The following KCNIP4 variants were observed in gnomAD, a reference collection of about 807,000 sequenced individuals.
KCNIP4 encodes Kv channel-interacting protein 4.
A neutral mutation model predicts 34.0 loss-of-function variants in KCNIP4; 12 were observed. The observed-to-expected ratio is 0.35, with a 90% CI of 0.23 to 0.57. KCNIP4 has a LOEUF of 0.57. KCNIP4 is among the 20% of genes least tolerant of loss of function. The probability of loss-of-function intolerance (pLI) is 0.83; values close to 1 mark genes in which losing one functional copy is unlikely to be tolerated. For synonymous variants in KCNIP4, 124 were observed against 102.2 expected (o/e 1.21, Z -1.29); for missense variants, 238 against 311.7 (o/e 0.76, Z 1.78).
intron 3 of KCNIP4, among the ~76,000 whole-genome samples, chr4:20,846,506 G>A (rs1366362165): frequency 6.6e-6 from 1 of 152,058 alleles, no homozygotes; most frequent in Non-Finnish European, 1.5e-5. Flanking sequence ...TCTCAAATGA[G>A]GCTTTCTGTT....
chr4:21,567,990 G>A (rs185335096), intron 1 of KCNIP4, among the ~76,000 whole-genome samples: 57 of 152,272 alleles, frequency 3.7e-4, no homozygotes, highest in African/African-American at 1.3e-3. Context: ...CATAGTCAGC[G>A]CTGCTATGTA....
rs989226044 is a variant in KCNIP4, at chr4:21,370,050, A to G, written c.62-487341T>C. Among the ~76,000 whole-genome samples the G allele has an allele frequency of 1.8e-4, 26 of 146,992 alleles. 4 individuals are homozygous for G. Among genetic ancestry groups the G allele is most frequent in the African/African-American group, 7.1e-4 (26 of 36,690 alleles). On this transcript the variant is annotated intron_variant, in intron 1 of 8. Coordinates refer to ENST00000382152, the MANE Select transcript of KCNIP4 (RefSeq NM_025221.6). ...CACCGTGTTAGCCAGGATGGTCTCG[A>G]CCTCCTGACCTCGTGATCCTCCCAC...
intron 1 of KCNIP4, among the ~76,000 whole-genome samples, chr4:21,319,302 G>C (rs1714127988): frequency 6.6e-6 from 1 of 152,186 alleles, no homozygotes; most frequent in Non-Finnish European, 1.5e-5. Flanking sequence ...AGTCAGAATG[G>C]ACTTAAGGAA....
At chr4:21,122,995 G>T (rs560038145) in intron 1 of KCNIP4, among the ~76,000 whole-genome samples, 2 of 152,142 alleles carry the variant, frequency 1.3e-5, no homozygotes, top group Non-Finnish European at 2.9e-5. Context: ...CAGATCACAA[G>T]GTCAGGAGAT....
At chr4:20,843,991 A>C (rs1178403527) in intron 3 of KCNIP4, among the ~76,000 whole-genome samples, 1 of 152,214 alleles carries the variant, frequency 6.6e-6, no homozygotes, top group Admixed American at 6.5e-5. Flanking sequence ...TACATAGAAG[A>C]ATAAGGAAAG....
At chr4:21,263,380 G>C (rs1415715873) in intron 1 of KCNIP4, among the ~76,000 whole-genome samples, 4 of 152,208 alleles carry the variant, frequency 2.6e-5, no homozygotes, top group African/African-American at 9.6e-5. Flanking sequence ...GAATCCAAGA[G>C]TGACTGCAAA....
chr4:21,484,217 A>G (rs1274840965), intron 1 of KCNIP4, among the ~76,000 whole-genome samples: 1 of 152,090 alleles, frequency 6.6e-6, no homozygotes, highest in African/African-American at 2.4e-5. Flanking sequence ...GCCTGAGGTC[A>G]GGAGTTCAAG....
At chr4:21,356,404 T>C (rs1301220998) in intron 1 of KCNIP4, among the ~76,000 whole-genome samples, 2 of 152,162 alleles carry the variant, frequency 1.3e-5, no homozygotes, top group Non-Finnish European at 2.9e-5. Context: ...CACGATTGCA[T>C]ATTTAGAAAA....
intron 1 of KCNIP4, among the ~76,000 whole-genome samples, chr4:21,344,505 T>C (rs1422700769): frequency 6.6e-6 from 1 of 152,132 alleles, no homozygotes; most frequent in African/African-American, 2.4e-5. Flanking sequence ...AGATAAATTA[T>C]ATTTGTTGAA....
chr4:20,782,403 A>G (rs1321942436), intron 3 of KCNIP4, among the ~76,000 whole-genome samples: 1 of 152,206 alleles, frequency 6.6e-6, no homozygotes, highest in Non-Finnish European at 1.5e-5. Flanking sequence ...GATGTTCTCC[A>G]TGAGAGCCCT....
chr4:21,177,428 C>G (rs547422208), intron 1 of KCNIP4, among the ~76,000 whole-genome samples: 2 of 152,254 alleles, frequency 1.3e-5, no homozygotes, highest in Non-Finnish European at 2.9e-5. Flanking sequence ...TATCTCTTCT[C>G]TCCTTCAACT....
chr4:21,313,526 A>G (rs1578064460), intron 1 of KCNIP4, among the ~76,000 whole-genome samples: 1 of 152,220 alleles, frequency 6.6e-6, no homozygotes, highest in Non-Finnish European at 1.5e-5. Flanking sequence ...CAAATAAAAA[A>G]CCTATGATAA....
intron 1 of KCNIP4, among the ~76,000 whole-genome samples, chr4:21,193,571 ATT>A (rs71655619): frequency 2.3e-4 from 28 of 119,200 alleles, no homozygotes; most frequent in Admixed American, 3.6e-4. Flanking sequence ...GCAATTTTAA[ATT>A]TTTTTTTTTT....
chr4:20,939,547 TA>T (rs1292013993), intron 1 of KCNIP4, among the ~76,000 whole-genome samples: 2 of 151,998 alleles, frequency 1.3e-5, no homozygotes, highest in African/African-American at 4.8e-5. Flanking sequence ...CTAATTTTTG[TA>T]TTTTTAGTAG....
At chr4:21,078,219 GAA>G (rs1174632929) in intron 1 of KCNIP4, among the ~76,000 whole-genome samples, 1 of 152,068 alleles carries the variant, frequency 6.6e-6, no homozygotes, top group Non-Finnish European at 1.5e-5. Context: ...GGGAGTGCGG[GAA>G]AAGAGTCAAA....
intron 2 of KCNIP4, among the ~76,000 whole-genome samples, chr4:20,874,615 G>GA (rs953102867): frequency 3.5e-4 from 52 of 150,060 alleles, no homozygotes; most frequent in African/African-American, 1.2e-3. Context: ...AATGGACCAG[G>GA]AAAAAAAACC....
intron 1 of KCNIP4, among the ~76,000 whole-genome samples, chr4:21,130,717 T>A (rs1352717451): frequency 6.6e-6 from 1 of 152,228 alleles, no homozygotes; most frequent in African/African-American, 2.4e-5. Context: ...AAATTTGCCC[T>A]ATAACTCTGA....
At chr4:21,869,140 C>T (rs1359366137) in intron 1 of KCNIP4, among the ~76,000 whole-genome samples, 1 of 152,088 alleles carries the variant, frequency 6.6e-6, no homozygotes, top group Admixed American at 6.5e-5. Context: ...GGACGTCCTG[C>T]ACTGCTGCTA....
chr4:21,735,200 A>G lies in KCNIP4; in HGVS notation c.61+213371T>C, dbSNP rs114456698. ...TAATGGGGCAAGTACCAAGTGTGGG[A>G]GTGCAGAGAAAAAGAAGACACTCAT... On this transcript the variant is annotated intron_variant, in intron 1 of 8. Transcript: ENST00000382152. 2.7e-3 allele frequency among the ~76,000 whole-genome samples: 416 copies of G among 152,130 alleles called. 2 individuals are homozygous for G. Among genetic ancestry groups the G allele is most frequent in the African/African-American group, 9.6e-3 (398 of 41,534 alleles).
Sources: gnomAD v4.1 joint callset for allele counts (sites outside exome capture counted in the v4.1 genomes callset) on GRCh38, gnomAD v4.1.1 for gene constraint, MANE v1.5 for transcripts, NCBI Gene and HGNC (gene_info 2026-07-23, HGNC 2026-07-21) for gene names.